NOTCH1: variants seen among roughly 807,000 people sequenced by gnomAD.
The protein encoded by NOTCH1 is neurogenic locus notch homolog protein 1.
In NOTCH1, 37 loss-of-function variants were observed where a neutral mutation model predicts 254.8. The observed-to-expected ratio is 0.15, with a 90% confidence interval of 0.11 to 0.19. The LOEUF (loss-of-function observed/expected upper bound fraction) is 0.19. NOTCH1 is among the 10% of genes least tolerant of loss of function. The probability of loss-of-function intolerance (pLI) is 1.00; values close to 1 mark genes in which losing one functional copy is unlikely to be tolerated. For missense variants in NOTCH1, 2,972 were observed against 3,708.6 expected, an observed-to-expected ratio of 0.80 and a Z score of 5.16; for synonymous variants, 1,731 against 1,618.1, an observed-to-expected ratio of 1.07 and a Z score of -1.68.
chr9:136,503,473 G>T, intron 26 of NOTCH1, 143 bp from the exon 27 acceptor site: 1 of 1,224,590 alleles, frequency 8.2e-7, no homozygotes. Flanking sequence ...GGGAAGCCAG[G>T]TCTGACAGCA....
chr9:136,539,635 C>T (rs1024905867), intron 2 of NOTCH1, among the ~76,000 whole-genome samples: 1 of 152,206 alleles, frequency 6.6e-6, no homozygotes, highest in Non-Finnish European at 1.5e-5. Flanking sequence ...GGTGATCTGC[C>T]CACCTCGGAT....
chr9:136,538,902 A>G (rs1267813169), intron 2 of NOTCH1, among the ~76,000 whole-genome samples: 2 of 152,180 alleles, frequency 1.3e-5, no homozygotes, highest in African/African-American at 2.4e-5. Flanking sequence ...TCCTTTCACT[A>G]TTTATAGACG....
chr9:136,503,392 A>T (rs535195292), intron 26 of NOTCH1, 62 bp from the exon 27 acceptor site: 1 of 1,608,956 alleles, frequency 6.2e-7, no homozygotes, highest in Non-Finnish European at 8.5e-7. Flanking sequence ...CCCACCGGCC[A>T]GGGATGCTGC....
intron 16 of NOTCH1, 23 bp from the exon 17 acceptor site, chr9:136,510,828 T>C (rs1843169685): frequency 3.1e-6 from 5 of 1,605,592 alleles, no homozygotes; most frequent in Non-Finnish European, 4.2e-6. Context: ...AGGAGGCCGG[T>C]TGGTCACCAG....
intron 2 of NOTCH1, 109 bp from the exon 3 acceptor site, chr9:136,524,088 G>C (rs1226852436): frequency 2.0e-5 from 28 of 1,392,494 alleles, no homozygotes; most frequent in Non-Finnish European, 2.7e-5. Flanking sequence ...CCACACCCCG[G>C]GCACGGGCAC....
chr9:136,537,161 T>C (rs938756509), intron 2 of NOTCH1, among the ~76,000 whole-genome samples: 4 of 152,202 alleles, frequency 2.6e-5, no homozygotes, highest in African/African-American at 9.6e-5. Context: ...GCGCCATCTC[T>C]TCCAGGAAGC....
At position 136,506,890 on chromosome 9, in the gene NOTCH1, T is replaced by A. The variant is rs2133343975; in HGVS notation, c.3727A>T (p.Thr1243Ser). 6.2e-7 allele frequency: 1 copy of A among 1,611,478 alleles called. No homozygotes were observed. The change falls in exon 23 of 34, where the codon ACC becomes TCC. Residue 1243 changes from threonine (T) to serine (S), a missense_variant. Thr to Ser is a moderately conservative substitution (Grantham distance 58). Transcript: ENST00000651671. This position sits in a 1 kb window ranked among gnomAD's most constrained non-coding sequence, Gnocchi z 4.5. ...TAGCCGCCCACCTGGTCCACGCAGG[T>A]GCCGTTGTTAAAGCACTTGGGGCTC... Reference protein sequence around the residue: ...SRSPKCFNNGTCVDQVGGYSC... With the variant: ...SRSPKCFNNGSCVDQVGGYSC...
Position 136,530,519 on chromosome 9 carries a change from C to A in NOTCH1, c.141-6540G>T, listed in dbSNP as rs1345276472. 2.6e-5 allele frequency among the ~76,000 whole-genome samples: 4 copies of A among 152,310 alleles called. No homozygotes were observed. In the East Asian group the frequency reaches 7.7e-4, roughly 29 times the overall value. ...GCCACTCTGGGGGCATGTGGCCAGC[C>A]CCTCCCCAAAATGCCAAGACACAGC... is the stretch of plus-strand genomic sequence containing the variant. On this transcript the variant is annotated intron_variant, in intron 2 of 33. Coordinates refer to ENST00000651671, the MANE Select transcript of NOTCH1 (RefSeq NM_017617.5).
At position 136,508,717 on chromosome 9, in the gene NOTCH1, C is replaced by T. The variant is rs145340662; in HGVS notation, c.3171+153G>A. 3.9e-3 allele frequency among the ~76,000 whole-genome samples: 600 copies of T among 152,350 alleles called. 1 individual carries two copies. Among genetic ancestry groups the T allele is most frequent in the African/African-American group, 0.013 (560 of 41,594 alleles). On this transcript the variant is annotated intron_variant, in intron 19 of 33. Transcript: ENST00000651671. ...CTGCTTCCGCATCAGGTTCCTTCAC[C>T]GGCTGCTCAGATCCCCAGAAACCCT...
chr9:136,526,009 G>A (rs1056668513), intron 2 of NOTCH1, among the ~76,000 whole-genome samples: 1 of 152,282 alleles, frequency 6.6e-6, no homozygotes, highest in African/African-American at 2.4e-5. Context: ...AATTCACTCA[G>A]GCCTTGCTAC....
rs773494751 is a variant in NOTCH1 at position 136,519,675 on chromosome 9, C to T, written c.743-110G>A. ...AAGAGCCTGGCCTCCACGGCCCTGCCCTGGGGCCCCCGGGGTCTGTGCCCG... is the reference window on the plus strand; with the variant it reads ...AAGAGCCTGGCCTCCACGGCCCTGCTCTGGGGCCCCCGGGGTCTGTGCCCG... On this transcript the variant is annotated intron_variant, in intron 4 of 33. Coordinates refer to ENST00000651671, the MANE Select transcript of NOTCH1 (RefSeq NM_017617.5). 5.8e-6 allele frequency: 9 copies of T among 1,551,110 alleles called. No individual in the cohort carries two copies. In the Admixed American group the frequency reaches 1.3e-4, roughly 23 times the overall value.
chr9:136,505,249 C>G lies in NOTCH1; in HGVS notation c.4586+61G>C. 3.2e-6 allele frequency: 5 copies of G among 1,538,526 alleles called. No homozygotes were observed. In the South Asian group the frequency reaches 5.9e-5, roughly 18 times the overall value. On this transcript the variant is annotated intron_variant, in intron 25 of 33. Transcript: ENST00000651671. ...TAGAACTGCATGCTGGCCTCCGGGCCCAAGCCAGGCCACATCCAAGTTCAG... is the reference window on the plus strand; with the variant it reads ...TAGAACTGCATGCTGGCCTCCGGGCGCAAGCCAGGCCACATCCAAGTTCAG...
At position 136,515,862 on chromosome 9, in the gene NOTCH1, G is replaced by A. The variant is rs1198176881; in HGVS notation, c.1669+119C>T. ...CTACTCAGGATTGGGGCTGAGCTGTGCTCTCGGCCTCTGGACCAGGTGGCC... is the reference window on the plus strand; with the variant it reads ...CTACTCAGGATTGGGGCTGAGCTGTACTCTCGGCCTCTGGACCAGGTGGCC... On this transcript the variant is annotated intron_variant, in intron 10 of 33. Transcript: ENST00000651671. 3 of 1,131,652 alleles carry A rather than the reference G, an allele frequency of 2.7e-6. No individual in the cohort carries two copies. The African/African-American group carries it at 4.6e-5, about 17-fold the overall frequency. 70.1% of individuals were successfully genotyped at this position (1,131,652 alleles called of 1,614,324 possible).
chr9:136,528,150 G>C (rs1313700869), intron 2 of NOTCH1, among the ~76,000 whole-genome samples: 1 of 151,200 alleles, frequency 6.6e-6, no homozygotes, highest in Non-Finnish European at 1.5e-5. Context: ...AGTGCGGGTA[G>C]GACTCACTCA....
At chr9:136,528,559 C>T (rs186336544) in intron 2 of NOTCH1, among the ~76,000 whole-genome samples, 56 of 121,232 alleles carry the variant, frequency 4.6e-4, no homozygotes, top group Non-Finnish European at 6.5e-4. Flanking sequence ...GTTGGTGGGA[C>T]GGGCAGGGAC....
In NOTCH1 at chr9:136,506,492, G is replaced by C. The variant is rs1250137369; in HGVS notation, c.4014+35C>G. On this transcript the variant is annotated intron_variant, in intron 24 of 33. Transcript: ENST00000651671. This position sits in a 1 kb window ranked among gnomAD's most constrained non-coding sequence, Gnocchi z 4.5. ...GTGGACCTCTCCAGGTGTCTCCCCTGGCGGGCCCCTGCCTCCCTGCACCCC... is the reference window on the plus strand; with the variant it reads ...GTGGACCTCTCCAGGTGTCTCCCCTCGCGGGCCCCTGCCTCCCTGCACCCC... 1 of 1,544,386 alleles carries C rather than the reference G, an allele frequency of 6.5e-7. No homozygotes were observed.
intron 2 of NOTCH1, among the ~76,000 whole-genome samples, chr9:136,525,345 G>T (rs1327159373): frequency 6.6e-6 from 1 of 152,214 alleles, no homozygotes; most frequent in East Asian, 1.9e-4. Flanking sequence ...CCAGCCACCT[G>T]CTGTGGTCAT....
chr9:136,541,013 C>G (rs73668322), intron 2 of NOTCH1, among the ~76,000 whole-genome samples: 4,140 of 152,228 alleles, frequency 0.027, 190 homozygotes, highest in African/African-American at 0.093. Flanking sequence ...CTTCAGTACC[C>G]CTTGCTCACA....
At chr9:136,541,695 G>A (rs1226129977) in intron 2 of NOTCH1, among the ~76,000 whole-genome samples, 1 of 152,210 alleles carries the variant, frequency 6.6e-6, no homozygotes, top group Non-Finnish European at 1.5e-5. Context: ...AGCCCAGGGA[G>A]GGAGCCCGGG....
Sources: gnomAD v4.1 joint callset for allele counts (sites outside exome capture counted in the v4.1 genomes callset) on GRCh38, gnomAD v4.1.1 for gene constraint, Gnocchi (gnomAD v3.1) non-coding constraint, MANE v1.5 for transcripts, NCBI Gene and HGNC (gene_info 2026-07-23, HGNC 2026-07-21) for gene names.